CNTN1: variants seen among roughly 807,000 people sequenced by gnomAD.
CNTN1 encodes the protein contactin-1.
In CNTN1, 38 loss-of-function variants were observed where a neutral mutation model predicts 126.4. The observed-to-expected ratio is 0.30, with a 90% CI of 0.23 to 0.39. CNTN1 has a LOEUF of 0.39. CNTN1 is among the 10% of genes least tolerant of loss of function. CNTN1 has a pLI of 1.00. For missense variants in CNTN1, 1,009 were observed against 1,248.4 expected (o/e 0.81, Z 2.89); for synonymous variants, 413 against 422.6 (o/e 0.98, Z 0.28).
chr12:40,848,100 G>T (rs1459059278), intron 1 of CNTN1, among the ~76,000 whole-genome samples: 1 of 152,144 alleles, frequency 6.6e-6, no homozygotes, highest in Admixed American at 6.5e-5. Flanking sequence ...CCACTCGGCA[G>T]CCTGGGGTTT....
chr12:40,703,646 G>A (rs1941657773), intron 1 of CNTN1, among the ~76,000 whole-genome samples: 1 of 152,166 alleles, frequency 6.6e-6, no homozygotes, highest in Non-Finnish European at 1.5e-5. Flanking sequence ...TCTCAAAGCT[G>A]CTTGTTCTTC....
intron 1 of CNTN1, among the ~76,000 whole-genome samples, chr12:40,718,077 A>G (rs1293435955): frequency 6.6e-6 from 1 of 152,206 alleles, no homozygotes; most frequent in African/African-American, 2.4e-5. Context: ...CATCTGACGG[A>G]TATCTCTTTC....
At chr12:40,842,754 A>G (rs1353494213) in intron 1 of CNTN1, among the ~76,000 whole-genome samples, 1 of 152,124 alleles carries the variant, frequency 6.6e-6, no homozygotes, top group Non-Finnish European at 1.5e-5. Flanking sequence ...TGTTCAATAA[A>G]TGTATGTTGA....
At chr12:40,988,169 T>C (rs932189846) in intron 16 of CNTN1, among the ~76,000 whole-genome samples, 34 of 152,300 alleles carry the variant, frequency 2.2e-4, no homozygotes, top group African/African-American at 7.9e-4. Context: ...CTAGGACCTG[T>C]AACATAAGAC....
At chr12:40,956,882 G>A (rs2136999038) in intron 14 of CNTN1, among the ~76,000 whole-genome samples, 1 of 152,184 alleles carries the variant, frequency 6.6e-6, no homozygotes, top group East Asian at 1.9e-4. Flanking sequence ...GGTGGAAGTA[G>A]TGATCAAATA....
At chr12:40,995,514 A>G (rs1592376043) in intron 17 of CNTN1, among the ~76,000 whole-genome samples, 1 of 152,188 alleles carries the variant, frequency 6.6e-6, no homozygotes. Context: ...TTCCTGCTCT[A>G]AAGGCACAGT....
intron 18 of CNTN1, among the ~76,000 whole-genome samples, chr12:41,016,443 A>G (rs1159388907): frequency 6.6e-6 from 1 of 152,178 alleles, no homozygotes. Flanking sequence ...ACTGAAAGGA[A>G]AAAGGCCCGG....
chr12:40,914,661 T>G (rs1301504576), intron 3 of CNTN1, among the ~76,000 whole-genome samples: 5 of 152,322 alleles, frequency 3.3e-5, no homozygotes, highest in African/African-American at 1.2e-4. Context: ...TCTCTCAATG[T>G]GAAAAATAAT....
chr12:40,833,519 A>G (rs778037891), intron 1 of CNTN1, among the ~76,000 whole-genome samples: 1 of 152,194 alleles, frequency 6.6e-6, no homozygotes, highest in Non-Finnish European at 1.5e-5. Flanking sequence ...ACTAACATAA[A>G]TAGAAATATT....
At chr12:40,734,842 G>A (rs1383339004) in intron 1 of CNTN1, among the ~76,000 whole-genome samples, 1 of 152,082 alleles carries the variant, frequency 6.6e-6, no homozygotes, top group Non-Finnish European at 1.5e-5. Flanking sequence ...AGGAAACCTT[G>A]AAGGAAGAGA....
intron 14 of CNTN1, among the ~76,000 whole-genome samples, chr12:40,955,645 A>C (rs866145624): frequency 2.6e-5 from 4 of 152,132 alleles, no homozygotes; most frequent in Non-Finnish European, 5.9e-5. Flanking sequence ...ATTCTCTTGT[A>C]TGTCAGATAT....
intron 1 of CNTN1, among the ~76,000 whole-genome samples, chr12:40,776,918 C>T (rs927279833): frequency 6.6e-6 from 1 of 151,588 alleles, no homozygotes; most frequent in Non-Finnish European, 1.5e-5. Flanking sequence ...CACTTTTATA[C>T]TGTTATTTTG....
intron 5 of CNTN1, among the ~76,000 whole-genome samples, chr12:40,923,800 A>C (rs186662491): frequency 7.9e-5 from 12 of 152,322 alleles, no homozygotes; most frequent in Non-Finnish European, 4.4e-5. Context: ...AGTCCTCTGC[A>C]AAAAAGTAAC....
chr12:40,922,741 G>A (rs966641244), intron 5 of CNTN1, among the ~76,000 whole-genome samples: 3 of 152,126 alleles, frequency 2.0e-5, no homozygotes, highest in Non-Finnish European at 4.4e-5. Flanking sequence ...GGGAGGCTGA[G>A]GCTGGTGGAT....
intron 1 of CNTN1, among the ~76,000 whole-genome samples, chr12:40,841,992 A>AT (rs71839244): frequency 4.0e-5 from 6 of 151,894 alleles, no homozygotes; most frequent in East Asian, 1.9e-4. Flanking sequence ...ATTTATACAA[A>AT]TTTTTTTTAA....
At chr12:40,931,605 C>A (rs753767088) in intron 7 of CNTN1, among the ~76,000 whole-genome samples, 1 of 151,948 alleles carries the variant, frequency 6.6e-6, no homozygotes, top group South Asian at 2.1e-4. Flanking sequence ...CAAAACCTTC[C>A]TTTTATTTAG....
chr12:40,884,589 C>A (rs943228844), intron 1 of CNTN1, among the ~76,000 whole-genome samples: 2 of 151,348 alleles, frequency 1.3e-5, no homozygotes, highest in African/African-American at 4.8e-5. Flanking sequence ...AAATATTAAT[C>A]ATTGCATCCA....
rs113847729 is a variant in CNTN1, at chr12:40,994,874, C to T, written c.2113+1605C>T. 4.3e-3 allele frequency among the ~76,000 whole-genome samples: 656 copies of T among 152,070 alleles called. 5 individuals carry two copies. Among genetic ancestry groups the T allele is most frequent in the African/African-American group, 0.015 (619 of 41,502 alleles). On this transcript the variant is annotated intron_variant, in intron 17 of 23. Coordinates refer to ENST00000551295, the MANE Select transcript of CNTN1 (RefSeq NM_001843.4). Reference sequence around the variant, plus strand: ...ATATAAATAGATGTGTTTCTAGAATCCTGCTTGAGAAGCCGACTTTGAGAA... The same window carrying T: ...ATATAAATAGATGTGTTTCTAGAATTCTGCTTGAGAAGCCGACTTTGAGAA...
intron 1 of CNTN1, among the ~76,000 whole-genome samples, chr12:40,825,130 T>A (rs73118727): frequency 0.018 from 2,747 of 152,244 alleles, 75 homozygotes; most frequent in African/African-American, 0.063. Flanking sequence ...TAAATATTTT[T>A]AATTAAATGA....
Sources: gnomAD v4.1 joint callset for allele counts (sites outside exome capture counted in the v4.1 genomes callset) on GRCh38, gnomAD v4.1.1 for gene constraint, MANE v1.5 for transcripts, NCBI Gene and HGNC (gene_info 2026-07-23, HGNC 2026-07-21) for gene names.